METTL6: variants seen among roughly 807,000 people sequenced by gnomAD.
METTL6 encodes the protein methyltransferase 6, tRNA N3-cytidine.
A neutral mutation model predicts 26.4 loss-of-function variants in METTL6; 22 were observed. The ratio of observed to expected loss-of-function variants is 0.83; its 90% confidence interval spans 0.59 to 1.19. METTL6 has a LOEUF of 1.19. Ranked by LOEUF, METTL6 falls within the 50% of genes most tolerant of loss-of-function variation. The pLI is 0.00. For missense variants in METTL6, 304 were observed against 324.8 expected (o/e 0.94, Z 0.49); for synonymous variants, 109 against 116.2 (o/e 0.94, Z 0.40).
intron 6 of METTL6, among the ~76,000 whole-genome samples, chr3:15,392,025 G>A (rs999462893): frequency 2.4e-4 from 36 of 152,228 alleles, no homozygotes; most frequent in Admixed American, 1.4e-3. Flanking sequence ...GTAATGGGAT[G>A]GCTGGGTCAG....
chr3:15,412,767 T>C (rs1003305045), intron 5 of METTL6, among the ~76,000 whole-genome samples: 1 of 152,086 alleles, frequency 6.6e-6, no homozygotes, highest in African/African-American at 2.4e-5. Flanking sequence ...TTTGCAGCTT[T>C]AATAGTAATC....
intron 3 of METTL6, among the ~76,000 whole-genome samples, chr3:15,424,552 C>T (rs2061677500): frequency 6.6e-6 from 1 of 152,184 alleles, no homozygotes; most frequent in Admixed American, 6.5e-5. Context: ...CAAGTGCGAA[C>T]CAACATGGCA....
chr3:15,414,040 T>A lies in METTL6; in HGVS notation c.654A>T (p.Arg218Ser), dbSNP rs1203912120. 6.2e-7 allele frequency: 1 copy of A among 1,614,114 alleles called. No individual in the cohort carries two copies. The highest frequency in any genetic ancestry group is 8.5e-7 in the Non-Finnish European group (1 of 1,180,022). ...ENFYVRQDGT[R>S]SYFFTDDFLA... is the part of the protein sequence containing the mutation. The stretch of plus-strand genomic sequence containing the variant: ...TCTTACCATCAGTAAAAAAATATGA[T>A]CTGGTCCCATCTTGTCTAACATAAA... Residue 218 changes from arginine (R) to serine (S), a missense_variant, in exon 5 of 6, where the codon AGA (arginine) becomes AGT (serine). By Grantham distance (110) the Arg-to-Ser change is moderately radical (BLOSUM62 -1). Transcript: ENST00000383790.
At chr3:15,402,041 C>T (rs1266865739) in intron 6 of METTL6, among the ~76,000 whole-genome samples, 1 of 152,124 alleles carries the variant, frequency 6.6e-6, no homozygotes, top group African/African-American at 2.4e-5. Context: ...CTCTTGGGGT[C>T]TGGATTGGAA....
intron 6 of METTL6, among the ~76,000 whole-genome samples, chr3:15,384,947 A>T (rs986282087): frequency 6.6e-6 from 1 of 152,220 alleles, no homozygotes; most frequent in Non-Finnish European, 1.5e-5. Context: ...TACTATTTTT[A>T]AAATGAACAC....
chr3:15,384,755 G>A (rs1388683758), intron 6 of METTL6, among the ~76,000 whole-genome samples: 1 of 152,142 alleles, frequency 6.6e-6, no homozygotes, highest in African/African-American at 2.4e-5. Flanking sequence ...ATATGATTTT[G>A]TTGGATAGGG....
chr3:15,402,071 T>C (rs996860833), intron 6 of METTL6, among the ~76,000 whole-genome samples: 3 of 152,088 alleles, frequency 2.0e-5, no homozygotes, highest in Non-Finnish European at 2.9e-5. Flanking sequence ...AGTAACACAA[T>C]GGGTTCATTT....
chr3:15,402,185 C>T (rs1341349342), intron 6 of METTL6, among the ~76,000 whole-genome samples: 2 of 152,154 alleles, frequency 1.3e-5, no homozygotes, highest in South Asian at 2.1e-4. Context: ...ACAAGAGAAA[C>T]TGCACTGGGG....
intron 5 of METTL6, chr3:15,413,724 C>G: frequency 7.6e-7 from 1 of 1,321,218 alleles, no homozygotes; most frequent in Non-Finnish European, 9.8e-7. Flanking sequence ...GACTTGCCCT[C>G]CCTCTTATTC....
chr3:15,421,627 T>C (rs562190937), intron 3 of METTL6, among the ~76,000 whole-genome samples: 1 of 152,208 alleles, frequency 6.6e-6, no homozygotes, highest in South Asian at 2.1e-4. Context: ...ATTAAAAAAA[T>C]CTTTTTGGCC....
intron 6 of METTL6, among the ~76,000 whole-genome samples, chr3:15,393,757 T>C (rs979991635): frequency 1.3e-5 from 2 of 152,210 alleles, no homozygotes; most frequent in African/African-American, 2.4e-5. Context: ...GAGATAATCA[T>C]GTGGTTTTTG....
At chr3:15,381,808 T>C (rs1250126138) in exon 7 of METTL6, 1 of 152,180 alleles carries the variant, frequency 6.6e-6, no homozygotes, top group Non-Finnish European at 1.5e-5. Context: ...CTATAAATAA[T>C]GCAGCTAATG....
At chr3:15,421,304 A>G (rs2061606681) in intron 3 of METTL6, among the ~76,000 whole-genome samples, 1 of 152,230 alleles carries the variant, frequency 6.6e-6, no homozygotes, top group Non-Finnish European at 1.5e-5. Context: ...ATACTGCGTG[A>G]TCTTAATCCC....
At chr3:15,391,507 ATTTATT>A (rs1167903624) in intron 6 of METTL6, among the ~76,000 whole-genome samples, 1 of 151,944 alleles carries the variant, frequency 6.6e-6, no homozygotes, top group Non-Finnish European at 1.5e-5. Flanking sequence ...TGTTGACAGT[ATTTATT>A]TTTATTATAC....
chr3:15,421,578 A>T (rs1351355180), intron 3 of METTL6, among the ~76,000 whole-genome samples: 1 of 152,084 alleles, frequency 6.6e-6, no homozygotes, highest in Non-Finnish European at 1.5e-5. Flanking sequence ...TTCCCACCTC[A>T]GTCTCCCAAA....
At chr3:15,419,812 C>G (rs1299523545) in intron 3 of METTL6, among the ~76,000 whole-genome samples, 1 of 147,236 alleles carries the variant, frequency 6.8e-6, no homozygotes, top group Admixed American at 6.8e-5. Flanking sequence ...TTTGTAAGAG[C>G]AAAAAAATAG....
downstream of METTL6, among the ~76,000 whole-genome samples, chr3:15,408,953 G>C (rs547765019): frequency 6.6e-6 from 1 of 152,100 alleles, no homozygotes; most frequent in Non-Finnish European, 1.5e-5. Context: ...TTTGGCGGAG[G>C]GGGCTTTGGG....
intron 6 of METTL6, among the ~76,000 whole-genome samples, chr3:15,385,555 G>A (rs1372354817): frequency 2.0e-5 from 3 of 152,048 alleles, no homozygotes; most frequent in Admixed American, 1.3e-4. Context: ...CCAAGATTGT[G>A]CCACTGCACT....
chr3:15,416,131 G>A (rs1050612853), intron 3 of METTL6, among the ~76,000 whole-genome samples, 189 bp from the exon 4 acceptor site: 2 of 152,204 alleles, frequency 1.3e-5, no homozygotes, highest in Non-Finnish European at 1.5e-5. Context: ...ACAGGAGCAA[G>A]ACTTCATTTT....
Sources: allele counts gnomAD v4.1 joint callset (sites outside exome capture counted in the v4.1 genomes callset), GRCh38; gene constraint gnomAD v4.1.1; transcripts MANE v1.5; gene names NCBI Gene and HGNC (gene_info 2026-07-23, HGNC 2026-07-21).